Variants in PDCD11 observed in about 807,000 individuals in gnomAD.
PDCD11 encodes protein RRP5 homolog.
Under a neutral mutation model 198.9 loss-of-function variants are expected in PDCD11, and 97 were observed. That is an observed-to-expected ratio of 0.49 (90% CI 0.41 to 0.58). PDCD11 has a LOEUF of 0.58. PDCD11 is among the 20% of genes least tolerant of loss of function. The pLI is 0.00. For missense variants in PDCD11, 2,102 were observed against 2,312.7 expected (o/e 0.91, Z 1.87); for synonymous variants, 893 against 918.0 (o/e 0.97, Z 0.49).
intron 34 of PDCD11, 47 bp from the exon 35 acceptor site, chr10:103,444,470 A>T (rs767657678): frequency 2.5e-6 from 4 of 1,570,962 alleles, no homozygotes; most frequent in Non-Finnish European, 2.6e-6. Flanking sequence ...TGTTGTGGTG[A>T]GGGGGCTGTC....
At chr10:103,399,542 C>T (rs1439240842) in intron 2 of PDCD11, 3 of 152,134 alleles carry the variant, frequency 2.0e-5, no homozygotes, top group African/African-American at 4.8e-5. Flanking sequence ...TTCCTTGCCA[C>T]ATGTAATGGT....
At chr10:103,397,993 T>C (rs758979760) in intron 1 of PDCD11, among the ~76,000 whole-genome samples, 1 of 152,256 alleles carries the variant, frequency 6.6e-6, no homozygotes, top group Non-Finnish European at 1.5e-5. Context: ...CTTCCTACAT[T>C]GCCTTATCCC....
At position 103,398,457 on chromosome 10, in the gene PDCD11, G is replaced by A. The variant is rs771469362; in HGVS notation, c.31G>A (p.Gly11Arg). The A allele has an allele frequency of 1.2e-6, 2 of 1,613,936 alleles. No individual in the cohort carries two copies. Among genetic ancestry groups the A allele is most frequent in the African/African-American group, 2.7e-5 (2 of 74,926 alleles). The change falls in exon 2 of 36, where the codon GGA becomes AGA. Residue 11 changes from glycine to arginine, a missense_variant. Physicochemically the swap from Gly to Arg is moderately radical, Grantham distance 125. Coordinates refer to ENST00000369797, the MANE Select transcript of PDCD11 (RefSeq NM_014976.2). The part of the protein sequence containing the change: MANLEESFPR[G>R]GTRKIHKPEK... The stretch of plus-strand genomic sequence containing the variant: ...AAACCTGGAAGAAAGCTTCCCCCGA[G>A]GAGGTACAAGAAAGATCCACAAACC...
In PDCD11 at chr10:103,414,045, T is replaced by C. The variant is rs1340323570; in HGVS notation, c.1265T>C (p.Ile422Thr). The C allele has an allele frequency of 1.2e-6, 2 of 1,613,604 alleles. No homozygotes were observed. The highest frequency in any genetic ancestry group is 2.2e-5 in the East Asian group (1 of 44,880). Residue 422 changes from isoleucine (I) to threonine (T), a missense_variant, in exon 10 of 36, where the codon ATT becomes ACT. Ile to Thr is a moderately conservative substitution (Grantham distance 89). Transcript: ENST00000369797. Reference protein sequence around the residue: ...KPGNTHKCRIIDYSQMDELAL... With the variant: ...KPGNTHKCRITDYSQMDELAL... ...GGGAACACTCACAAGTGTAGAATTA[T>C]TGACTACAGCCAAATGGATGAACTG...
intron 7 of PDCD11, 53 bp from the exon 8 acceptor site, chr10:103,409,646 T>G: frequency 2.4e-6 from 3 of 1,254,098 alleles, no homozygotes; most frequent in Non-Finnish European, 3.5e-6. Context: ...ATGTCTCACA[T>G]TCCTGGTTCT....
chr10:103,419,998 A>T (rs898225309), intron 16 of PDCD11, among the ~76,000 whole-genome samples: 1 of 126,022 alleles, frequency 7.9e-6, no homozygotes, highest in African/African-American at 3.2e-5. Flanking sequence ...GAGTTTTACC[A>T]TGTTGGCCAG....
chr10:103,441,362 A>T (rs1327857964), intron 30 of PDCD11, among the ~76,000 whole-genome samples: 2 of 152,156 alleles, frequency 1.3e-5, no homozygotes, highest in East Asian at 3.9e-4. Flanking sequence ...GGTTCAAGCA[A>T]TTCTCATGAC....
intron 24 of PDCD11, chr10:103,434,565 C>T (rs1309728766): frequency 5.1e-6 from 3 of 592,122 alleles, no homozygotes; most frequent in Non-Finnish European, 8.9e-6. Context: ...ACAGGTTACC[C>T]TTACCTACAC....
At chr10:103,411,411 A>C (rs965308172) in intron 8 of PDCD11, among the ~76,000 whole-genome samples, 1 of 152,176 alleles carries the variant, frequency 6.6e-6, no homozygotes, top group Non-Finnish European at 1.5e-5. Flanking sequence ...TATTGCCCAG[A>C]GTGGAGTACA....
intron 8 of PDCD11, among the ~76,000 whole-genome samples, chr10:103,410,159 C>T (rs945871466): frequency 3.3e-5 from 5 of 151,478 alleles, no homozygotes; most frequent in Admixed American, 2.0e-4. Context: ...CGCTTGAACC[C>T]GGGAGGCCGA....
intron 7 of PDCD11, 86 bp from the exon 8 acceptor site, chr10:103,409,613 G>T: frequency 1.2e-6 from 1 of 838,046 alleles, no homozygotes; most frequent in Non-Finnish European, 2.1e-6. Context: ...GGATACTATG[G>T]CATTGAGTGT....
rs761446042 is a variant in PDCD11, at chr10:103,417,920, T to C, written c.1899T>C (p.Ile633=). ...AGHSQKKGKA[I]NIGQLVDVKV... ...ACAGTCAGAAGAAAGGAAAAGCCATTAACATTGGGCAGGTACGTGGACTTC... is the reference window on the plus strand; with the variant it reads ...ACAGTCAGAAGAAAGGAAAAGCCATCAACATTGGGCAGGTACGTGGACTTC... Residue 633 remains isoleucine, a synonymous_variant, in exon 14 of 36, where the codon ATT becomes ATC. Transcript: ENST00000369797. 6.2e-7 allele frequency: 1 copy of C among 1,614,066 alleles called. No individual in the cohort carries two copies. Among genetic ancestry groups the C allele is most frequent in the South Asian group, 1.1e-5 (1 of 91,078 alleles).
chr10:103,431,428 T>C (rs573737026), intron 21 of PDCD11, among the ~76,000 whole-genome samples: 1 of 152,016 alleles, frequency 6.6e-6, no homozygotes, highest in African/African-American at 2.4e-5. Flanking sequence ...TTGTCTCTAC[T>C]AAAAATACAA....
intron 8 of PDCD11, among the ~76,000 whole-genome samples, chr10:103,411,332 T>C (rs1434671214): frequency 6.6e-6 from 1 of 152,222 alleles, no homozygotes; most frequent in Non-Finnish European, 1.5e-5. Flanking sequence ...TACTTTTCTT[T>C]TTTTAAATAG....
At chr10:103,441,400 G>A (rs914160528) in intron 30 of PDCD11, among the ~76,000 whole-genome samples, 1 of 152,096 alleles carries the variant, frequency 6.6e-6, no homozygotes, top group Non-Finnish European at 1.5e-5. Context: ...TGAGACTGCC[G>A]GTATGCACCA....
chr10:103,416,585 A>T lies in PDCD11; in HGVS notation c.1613A>T (p.Asp538Val), dbSNP rs1411234417. 2 of 1,614,230 alleles carry T rather than the reference A, an allele frequency of 1.2e-6. No individual in the cohort carries two copies. The highest frequency in any genetic ancestry group is 1.7e-6 in the Non-Finnish European group (2 of 1,180,040). Residue 538 changes from aspartate (D) to valine (V), a missense_variant, in exon 13 of 36, where the codon GAT (aspartate) becomes GTT (valine). Coordinates refer to ENST00000369797, the MANE Select transcript of PDCD11 (RefSeq NM_014976.2). ...SKLPVITCYA[D>V]AKPGLQTHGF... The stretch of plus-strand genomic sequence containing the variant: ...CTACCTGTCATTACCTGCTATGCCG[A>T]TGCCAAGCCTGGTCTGCAGACACAT...
intron 11 of PDCD11, 102 bp from the exon 12 acceptor site, chr10:103,414,903 A>G (rs1410532003): frequency 4.9e-6 from 6 of 1,216,750 alleles, no homozygotes; most frequent in Non-Finnish European, 7.2e-6. Flanking sequence ...CAGTTAGCCC[A>G]GGAAGTTGGC....
rs765763515 is a variant in PDCD11, at chr10:103,444,573, C to T, written c.5335C>T (p.Arg1779Trp). 1.4e-5 allele frequency: 22 copies of T among 1,614,042 alleles called. No individual in the cohort carries two copies. The highest frequency in any genetic ancestry group is 1.6e-4 in the Middle Eastern group (1 of 6,070). Residue 1779 changes from arginine (R) to tryptophan (W), a missense_variant, in exon 35 of 36, where the codon CGG becomes TGG. Arg to Trp is a moderately radical substitution (Grantham distance 101). Coordinates refer to ENST00000369797, the MANE Select transcript of PDCD11 (RefSeq NM_014976.2). ...TGAGTTTCAGCTGGGGGATGCAGAGCGGGCCAAAGCCATTTTTGAGAACAC... is the reference window on the plus strand; with the variant it reads ...TGAGTTTCAGCTGGGGGATGCAGAGTGGGCCAAAGCCATTTTTGAGAACAC... ...QLEFQLGDAE[R>W]AKAIFENTLS...
In PDCD11 at chr10:103,415,001, C is replaced by G; in HGVS notation, c.1372-4C>G. On this transcript the variant is annotated splice_region_variant and splice_polypyrimidine_tract_variant and intron_variant, in intron 11 of 35. Transcript: ENST00000369797. ...TTGTGGCAGCTTATCTTTGGATTCT[C>G]TAGGGCACAGTGCTAACCATAAAGT... is the stretch of plus-strand genomic sequence containing the variant. The G allele has an allele frequency of 1.2e-6, 2 of 1,614,034 alleles. No homozygotes were observed. The highest frequency in any genetic ancestry group is 8.5e-7 in the Non-Finnish European group (1 of 1,179,982).
Sources: allele counts gnomAD v4.1 joint callset (sites outside exome capture counted in the v4.1 genomes callset), GRCh38; gene constraint gnomAD v4.1.1; transcripts MANE v1.5; gene names NCBI Gene and HGNC (gene_info 2026-07-23, HGNC 2026-07-21).